The following MALRD1 variants were observed in gnomAD, a reference collection of about 807,000 sequenced individuals.
MALRD1 encodes the protein MAM and LDL-receptor class A domain-containing protein 1.
MALRD1 carries 247 observed loss-of-function variants against 242.1 expected under a neutral mutation model. The ratio of observed to expected loss-of-function variants is 1.02; its 90% CI spans 0.92 to 1.13. The LOEUF (loss-of-function observed/expected upper bound fraction) is 1.13, where lower values mean the gene tolerates loss of function less well. Ranked by LOEUF, MALRD1 falls within the 50% of genes most tolerant of loss-of-function variation. MALRD1 has a pLI of 0.00. For missense variants in MALRD1, 2,989 were observed against 2,533.1 expected (o/e 1.18, Z -3.86); for synonymous variants, 995 against 866.6 (o/e 1.15, Z -2.60).
At chr10:19,407,847 T>C (rs745927365) in intron 28 of MALRD1, among the ~76,000 whole-genome samples, 16 of 152,226 alleles carry the variant, frequency 1.1e-4, no homozygotes, top group Admixed American at 5.9e-4. Context: ...TCCTCCTTTG[T>C]ATGTTCTTTA....
chr10:19,288,187 G>T (rs1841226928), intron 21 of MALRD1, among the ~76,000 whole-genome samples: 1 of 151,830 alleles, frequency 6.6e-6, no homozygotes, highest in Non-Finnish European at 1.5e-5. Context: ...TGGGTACATG[G>T]TAGGTGTATA....
chr10:19,438,808 T>C (rs1388923380), intron 28 of MALRD1, among the ~76,000 whole-genome samples: 1 of 115,170 alleles, frequency 8.7e-6, no homozygotes, highest in African/African-American at 3.2e-5. Flanking sequence ...ACCCCACAGC[T>C]CAGACAGACA....
At chr10:19,416,549 A>G (rs1257089878) in intron 28 of MALRD1, among the ~76,000 whole-genome samples, 1 of 152,092 alleles carries the variant, frequency 6.6e-6, no homozygotes, top group Non-Finnish European at 1.5e-5. Flanking sequence ...AAAAAAAAAA[A>G]GTCCAAACCT....
At chr10:19,064,223 A>T (rs1834904862) in intron 1 of MALRD1, among the ~76,000 whole-genome samples, 1 of 152,206 alleles carries the variant, frequency 6.6e-6, no homozygotes, top group Non-Finnish European at 1.5e-5. Context: ...AAGTTCCTGT[A>T]TAGCACTCCT....
intron 29 of MALRD1, among the ~76,000 whole-genome samples, chr10:19,486,804 C>T (rs972574186): frequency 6.6e-6 from 1 of 151,952 alleles, no homozygotes; most frequent in African/African-American, 2.4e-5. Context: ...GATTTTAATC[C>T]AAATTGAAAT....
chr10:19,227,569 G>A (rs1837853136), intron 18 of MALRD1, among the ~76,000 whole-genome samples: 1 of 151,958 alleles, frequency 6.6e-6, no homozygotes, highest in African/African-American at 2.4e-5. Flanking sequence ...AAATTTTTTA[G>A]ATAAGAAAAG....
At position 19,532,917 on chromosome 10, in the gene MALRD1, A is replaced by T. The variant is rs1171220189; in HGVS notation, c.5478+1566A>T. Among the ~76,000 whole-genome samples, 3 of 152,202 alleles carry T rather than the reference A, an allele frequency of 2.0e-5. 1 individual carries two copies. The highest frequency in any genetic ancestry group is 4.1e-4 in the South Asian group (2 of 4,834). On this transcript the variant is annotated intron_variant, in intron 32 of 39. Coordinates refer to ENST00000454679, the MANE Select transcript of MALRD1 (RefSeq NM_001142308.3). ...ATAGATTAGCCTATTGCTTATGCTA[A>T]ATTTTATCCAGTGTAATTTATAACC...
rs1042013834 is a variant in MALRD1 at position 19,390,573 on chromosome 10, T to A, written c.4845+964T>A. Among the ~76,000 whole-genome samples, 5 of 152,170 alleles carry A rather than the reference T, an allele frequency of 3.3e-5. No homozygotes were observed. In the East Asian group the frequency reaches 9.7e-4, roughly 29 times the overall value. On this transcript the variant is annotated intron_variant, in intron 28 of 39. Coordinates refer to ENST00000454679, the MANE Select transcript of MALRD1 (RefSeq NM_001142308.3). ...AGTTAAAACAGTAGCCGAAAGGAGA[T>A]GTATATGTGCACGTGCAGGTATGTG...
At chr10:19,505,265 G>T (rs576753533) in intron 31 of MALRD1, among the ~76,000 whole-genome samples, 35 of 152,282 alleles carry the variant, frequency 2.3e-4, no homozygotes, top group African/African-American at 8.4e-4. Flanking sequence ...GGACTGAATT[G>T]TGCCCCCTTC....
chr10:19,212,109 A>G (rs965916309), intron 18 of MALRD1, among the ~76,000 whole-genome samples: 4 of 152,192 alleles, frequency 2.6e-5, no homozygotes, highest in African/African-American at 9.7e-5. Flanking sequence ...TTTTTATTAC[A>G]AGCTTTATTT....
chr10:19,717,813 T>G (rs942612613), intron 38 of MALRD1, among the ~76,000 whole-genome samples: 3 of 151,882 alleles, frequency 2.0e-5, no homozygotes, highest in African/African-American at 7.3e-5. Context: ...GGTCAGGAGT[T>G]TAAGACCAGC....
chr10:19,491,414 A>G (rs954640572), intron 29 of MALRD1, 103 bp from the exon 30 acceptor site: 3 of 1,363,882 alleles, frequency 2.2e-6, no homozygotes, highest in East Asian at 2.6e-5. Context: ...TGAAATCCTT[A>G]ACTTGCTTAC....
chr10:19,501,642 A>G (rs1589162998), intron 31 of MALRD1, among the ~76,000 whole-genome samples: 1 of 152,236 alleles, frequency 6.6e-6, no homozygotes. Context: ...GACTGTGAGC[A>G]TGGAGGATAG....
At chr10:19,491,410 C>G in intron 29 of MALRD1, 107 bp from the exon 30 acceptor site, 2 of 1,343,228 alleles carry the variant, frequency 1.5e-6, no homozygotes, top group South Asian at 1.3e-5. Context: ...CTGTTGAAAT[C>G]CTTAACTTGC....
intron 5 of MALRD1, among the ~76,000 whole-genome samples, chr10:19,118,320 G>A (rs541283387): frequency 1.1e-4 from 17 of 152,296 alleles, no homozygotes; most frequent in African/African-American, 3.8e-4. Flanking sequence ...CTGAGAACAG[G>A]TGCCCAAGGT....
At chr10:19,150,878 T>A (rs1248813367) in intron 11 of MALRD1, among the ~76,000 whole-genome samples, 1 of 152,204 alleles carries the variant, frequency 6.6e-6, no homozygotes, top group Non-Finnish European at 1.5e-5. Context: ...ATCATGACGA[T>A]GTTTCAAATT....
At chr10:19,616,439 G>A (rs7921666) in intron 36 of MALRD1, among the ~76,000 whole-genome samples, 45,938 of 151,854 alleles carry the variant, frequency 0.3, 8,355 homozygotes, top group Admixed American at 0.46. Flanking sequence ...AAAAATAGGC[G>A]TTGTGATTTC....
At chr10:19,079,606 A>G (rs1259790920) in intron 2 of MALRD1, among the ~76,000 whole-genome samples, 2 of 152,040 alleles carry the variant, frequency 1.3e-5, no homozygotes, top group East Asian at 1.9e-4. Flanking sequence ...TTATTGTTAA[A>G]TGGTCTACAT....
intron 36 of MALRD1, among the ~76,000 whole-genome samples, chr10:19,687,880 A>C: frequency 6.6e-6 from 1 of 151,870 alleles, no homozygotes; most frequent in Non-Finnish European, 1.5e-5. Flanking sequence ...TTCTTTGTAA[A>C]ACACCTTAAT....
Sources: gnomAD v4.1 joint callset for allele counts (sites outside exome capture counted in the v4.1 genomes callset) on GRCh38, gnomAD v4.1.1 for gene constraint, MANE v1.5 for transcripts, NCBI Gene and HGNC (gene_info 2026-07-23, HGNC 2026-07-21) for gene names.